C8orf34: variants seen among roughly 807,000 people sequenced by gnomAD.
C8orf34 encodes chromosome 8 open reading frame 34, also known as uncharacterized protein C8orf34.
Under a neutral mutation model 68.3 loss-of-function variants are expected in C8orf34, and 65 were observed. The ratio of observed to expected loss-of-function variants is 0.95; its 90% confidence interval spans 0.78 to 1.17. C8orf34 has a LOEUF of 1.17. Among genes scored for constraint, C8orf34 ranks in the 50% most tolerant of loss-of-function variants. The pLI, the probability that C8orf34 is intolerant of heterozygous loss-of-function variation, is 0.00. For missense variants in C8orf34, 664 were observed against 655.4 expected, an observed-to-expected ratio of 1.01 and a Z score of -0.14; for synonymous variants, 244 against 241.2, an observed-to-expected ratio of 1.01 and a Z score of -0.11.
At chr8:68,640,302 C>T (rs565390703) in intron 7 of C8orf34, 74 bp from the exon 8 acceptor site, 2 of 1,437,138 alleles carry the variant, frequency 1.4e-6, no homozygotes, top group South Asian at 2.5e-5. Context: ...TGGCAGATAC[C>T]TGAAAATATG....
intron 1 of C8orf34, among the ~76,000 whole-genome samples, chr8:68,372,927 C>T (rs573871143): frequency 6.6e-6 from 1 of 152,308 alleles, no homozygotes; most frequent in Non-Finnish European, 1.5e-5. Flanking sequence ...CAGCCCCTTC[C>T]TTGCAAAGCA....
intron 1 of C8orf34, among the ~76,000 whole-genome samples, chr8:68,434,738 TA>T (rs948375183): frequency 6.6e-6 from 1 of 152,042 alleles, no homozygotes; most frequent in Admixed American, 6.6e-5. Context: ...TTCTAGTTGA[TA>T]AAAAACAATA....
intron 3 of C8orf34, among the ~76,000 whole-genome samples, chr8:68,462,460 C>T (rs538894907): frequency 1.8e-4 from 27 of 151,674 alleles, no homozygotes; most frequent in African/African-American, 5.8e-4. Flanking sequence ...ATCTACAGAA[C>T]TCTCCACCCC....
chr8:68,539,254 G>A (rs1815610727), intron 7 of C8orf34, among the ~76,000 whole-genome samples: 1 of 152,026 alleles, frequency 6.6e-6, no homozygotes. Flanking sequence ...TTTAGCCATA[G>A]TAGTAATTTT....
Position 68,653,678 on chromosome 8 carries a change from C to T in C8orf34, c.1241+13167C>T, listed in dbSNP as rs78550047. Among the ~76,000 whole-genome samples, 893 of 152,218 alleles carry T rather than the reference C, an allele frequency of 5.9e-3. 15 individuals carry two copies. The highest frequency in any genetic ancestry group is 0.021 in the African/African-American group (857 of 41,528). ...AGACAGCTGGATAGCTCTCTAAACTCTTCTTGTAGGAGTACTAATTGCGTT... is the reference window on the plus strand; with the variant it reads ...AGACAGCTGGATAGCTCTCTAAACTTTTCTTGTAGGAGTACTAATTGCGTT... On this transcript the variant is annotated intron_variant, in intron 8 of 13. Transcript: ENST00000518698.
chr8:68,449,540 C>A (rs1811258674), intron 3 of C8orf34, among the ~76,000 whole-genome samples: 1 of 151,984 alleles, frequency 6.6e-6, no homozygotes, highest in Non-Finnish European at 1.5e-5. Context: ...CAGTTCCAGG[C>A]CACTGCAATA....
intron 7 of C8orf34, among the ~76,000 whole-genome samples, chr8:68,572,378 T>C (rs1050918392): frequency 5.3e-5 from 8 of 152,000 alleles, no homozygotes; most frequent in Admixed American, 5.2e-4. Context: ...CACTACATAC[T>C]ACCTATGCAT....
chr8:68,625,641 T>G, intron 7 of C8orf34: 1 of 701,668 alleles, frequency 1.4e-6, no homozygotes, highest in Non-Finnish European at 2.6e-6. Context: ...GGCTTGCATC[T>G]CAGCGGTGGG....
intron 4 of C8orf34, among the ~76,000 whole-genome samples, chr8:68,473,975 T>C (rs1812491524): frequency 6.6e-6 from 1 of 152,200 alleles, no homozygotes. Flanking sequence ...TTTGCATCAC[T>C]TCCTGTAGGC....
At chr8:68,695,479 A>G (rs1820804910) in intron 8 of C8orf34, among the ~76,000 whole-genome samples, 1 of 152,124 alleles carries the variant, frequency 6.6e-6, no homozygotes, top group South Asian at 2.1e-4. Flanking sequence ...TACATCTTCA[A>G]TGCTACATTA....
At chr8:68,507,295 A>G (rs968849545) in intron 5 of C8orf34, among the ~76,000 whole-genome samples, 41 of 152,204 alleles carry the variant, frequency 2.7e-4, no homozygotes, top group African/African-American at 8.0e-4. Flanking sequence ...TTCTGAACCC[A>G]TTGATTTATT....
At chr8:68,554,363 G>A (rs1294647062) in intron 7 of C8orf34, among the ~76,000 whole-genome samples, 1 of 152,008 alleles carries the variant, frequency 6.6e-6, no homozygotes, top group Admixed American at 6.5e-5. Flanking sequence ...GGCTTTATTT[G>A]ATTTCTAACA....
At chr8:68,592,007 T>C (rs945293826) in intron 7 of C8orf34, among the ~76,000 whole-genome samples, 49 of 152,284 alleles carry the variant, frequency 3.2e-4, no homozygotes, top group African/African-American at 1.2e-3. Flanking sequence ...ATAATCTTTT[T>C]ATGAGTAAAA....
At chr8:68,514,126 G>T (rs1388200964) in intron 5 of C8orf34, among the ~76,000 whole-genome samples, 1 of 152,082 alleles carries the variant, frequency 6.6e-6, no homozygotes, top group Non-Finnish European at 1.5e-5. Flanking sequence ...AGTAAGACAT[G>T]GTTTTATTGG....
chr8:68,477,683 G>A (rs937721548), intron 4 of C8orf34, among the ~76,000 whole-genome samples: 5 of 152,336 alleles, frequency 3.3e-5, no homozygotes, highest in African/African-American at 1.2e-4. Flanking sequence ...GGCTCTCCAT[G>A]AGGGCTCCAC....
intron 12 of C8orf34, among the ~76,000 whole-genome samples, chr8:68,801,741 G>A (rs1824332582): frequency 6.6e-6 from 1 of 152,058 alleles, no homozygotes; most frequent in South Asian, 2.1e-4. Context: ...GTAATTCTCA[G>A]AATCTATCTA....
chr8:68,593,733 T>C lies in C8orf34; in HGVS notation c.1106-46643T>C, dbSNP rs1486344344. Among the ~76,000 whole-genome samples the C allele has an allele frequency of 3.9e-5, 6 of 152,134 alleles. No homozygotes were observed. The East Asian group carries it at 1.2e-3, about 29-fold the overall frequency. On this transcript the variant is annotated intron_variant, in intron 7 of 13. Transcript: ENST00000518698. ...CTATTAATCTTTTCAAAAAAGTACC[T>C]TTTAGTTTTATTAATCATTTCTTTT... is the stretch of plus-strand genomic sequence containing the variant.
chr8:68,420,013 A>T (rs1809886418), intron 1 of C8orf34, among the ~76,000 whole-genome samples: 3 of 151,558 alleles, frequency 2.0e-5, no homozygotes, highest in Admixed American at 1.3e-4. Context: ...CAAAAAAAAA[A>T]GAAAAGAAAT....
intron 12 of C8orf34, among the ~76,000 whole-genome samples, chr8:68,815,433 A>G (rs1327875561): frequency 2.6e-5 from 4 of 152,154 alleles, no homozygotes; most frequent in Admixed American, 6.6e-5. Flanking sequence ...TCTTGATAAT[A>G]TGGTACTAAT....
Sources: gnomAD v4.1 joint callset for allele counts (sites outside exome capture counted in the v4.1 genomes callset) on GRCh38, gnomAD v4.1.1 for gene constraint, MANE v1.5 for transcripts, NCBI Gene and HGNC (gene_info 2026-07-23, HGNC 2026-07-21) for gene names.